BAZ2B: variants seen among roughly 807,000 people sequenced by gnomAD.
BAZ2B encodes the protein bromodomain adjacent to zinc finger domain 2B, also known as bromodomain adjacent to zinc finger domain protein 2B.
BAZ2B carries 91 observed loss-of-function variants against 246.0 expected under a neutral mutation model. The ratio of observed to expected loss-of-function variants is 0.37; its 90% CI spans 0.31 to 0.44. BAZ2B has a LOEUF of 0.44. Ranked by LOEUF, BAZ2B falls within the 20% of genes least tolerant of loss-of-function variation. The pLI is 1.00. For missense variants in BAZ2B, 2,332 were observed against 2,533.7 expected (o/e 0.92, Z 1.71); for synonymous variants, 855 against 860.0 (o/e 0.99, Z 0.10).
At chr2:159,394,344 T>G (rs1043269385) in intron 20 of BAZ2B, among the ~76,000 whole-genome samples, 1 of 152,130 alleles carries the variant, frequency 6.6e-6, no homozygotes, top group Non-Finnish European at 1.5e-5. Context: ...AGAGCAGCCA[T>G]GCCAATTCCT....
chr2:159,607,915 G>T (rs1693866346), intron 1 of BAZ2B, among the ~76,000 whole-genome samples: 1 of 152,166 alleles, frequency 6.6e-6, no homozygotes, highest in Admixed American at 6.5e-5. Context: ...TTCAATAAAA[G>T]CTTAAAGAAT....
chr2:159,572,988 G>A (rs906712166), intron 1 of BAZ2B, among the ~76,000 whole-genome samples: 1 of 151,876 alleles, frequency 6.6e-6, no homozygotes, highest in Non-Finnish European at 1.5e-5. Context: ...ACTACCTGCT[G>A]GAAAATAAAA....
At chr2:159,462,852 T>A (rs1198227633) in intron 3 of BAZ2B, 1 of 1,593,986 alleles carries the variant, frequency 6.3e-7, no homozygotes, top group Non-Finnish European at 8.6e-7. Context: ...GTTGGAATAA[T>A]GGTCTTTCAC....
At chr2:159,653,944 T>C in the BAZ2B span, among the ~76,000 whole-genome samples, 6 of 152,134 alleles carry the variant, frequency 3.9e-5, no homozygotes, top group Non-Finnish European at 7.4e-5. Context: ...TCTTCCACAT[T>C]TAAAAGATTC....
At chr2:159,393,385 T>G (rs72959361) in intron 20 of BAZ2B, among the ~76,000 whole-genome samples, 231 of 152,332 alleles carry the variant, frequency 1.5e-3, no homozygotes, top group Non-Finnish European at 2.9e-3. Flanking sequence ...AGGATTTAAG[T>G]CATTACTTTA....
chr2:159,492,046 T>C (rs2080568588), intron 2 of BAZ2B, among the ~76,000 whole-genome samples: 1 of 152,208 alleles, frequency 6.6e-6, no homozygotes, highest in Non-Finnish European at 1.5e-5. Flanking sequence ...AACAAAATTA[T>C]ACTGAAACTC....
intron 1 of BAZ2B, among the ~76,000 whole-genome samples, chr2:159,565,184 A>C (rs112068095): frequency 9.2e-4 from 140 of 152,216 alleles, no homozygotes; most frequent in African/African-American, 2.9e-3. Flanking sequence ...GACAAATTTC[A>C]CTGGTGTCCG....
At chr2:159,521,648 T>C (rs892500101) in intron 2 of BAZ2B, among the ~76,000 whole-genome samples, 1 of 152,122 alleles carries the variant, frequency 6.6e-6, no homozygotes. Flanking sequence ...TTAGAACTTA[T>C]GGGTGAAGCA....
chr2:159,688,606 GA>G, the BAZ2B span, among the ~76,000 whole-genome samples: 1 of 152,084 alleles, frequency 6.6e-6, no homozygotes, highest in South Asian at 2.1e-4. Flanking sequence ...ACAAAAATAT[GA>G]AAAAAGAGTA....
intron 5 of BAZ2B, 90 bp from the exon 6 acceptor site, chr2:159,447,065 T>C (rs2074357191): frequency 2.3e-6 from 2 of 872,184 alleles, no homozygotes; most frequent in Non-Finnish European, 1.6e-6. Context: ...TTGGATGAAC[T>C]TGAAAATATG....
intron 14 of BAZ2B, among the ~76,000 whole-genome samples, chr2:159,410,804 A>G (rs1354054987): frequency 2.6e-5 from 4 of 152,220 alleles, no homozygotes; most frequent in Non-Finnish European, 5.9e-5. Context: ...AGATTTGTAT[A>G]ATATATGCTT....
intron 2 of BAZ2B, among the ~76,000 whole-genome samples, chr2:159,488,978 T>C (rs549944065): frequency 1.3e-5 from 2 of 152,302 alleles, no homozygotes; most frequent in South Asian, 2.1e-4. Context: ...AAAAGCCACA[T>C]GTATTTTGAG....
At chr2:159,585,969 GGC>G (rs1687928118) in intron 1 of BAZ2B, among the ~76,000 whole-genome samples, 1 of 152,020 alleles carries the variant, frequency 6.6e-6, no homozygotes, top group East Asian at 1.9e-4. Context: ...CCAAATTTTT[GGC>G]AAAAGTCACC....
intron 1 of BAZ2B, chr2:159,615,924 G>T (rs1695979814): frequency 1.3e-5 from 2 of 152,400 alleles, no homozygotes. Flanking sequence ...TAGGAATAAA[G>T]TTTACGTTCT....
intron 3 of BAZ2B, among the ~76,000 whole-genome samples, chr2:159,475,472 T>C (rs1388746408): frequency 4.6e-5 from 7 of 152,328 alleles, no homozygotes; most frequent in Middle Eastern, 3.4e-3. Context: ...TCAAGGTTCT[T>C]AGCTTCATCG....
chr2:159,494,326 T>C (rs1195277495), intron 2 of BAZ2B, among the ~76,000 whole-genome samples: 5 of 152,314 alleles, frequency 3.3e-5, no homozygotes, highest in African/African-American at 1.2e-4. Context: ...CATATATATT[T>C]GGTTTCCCAG....
Position 159,349,869 on chromosome 2 carries a change from A to C in BAZ2B, c.4702T>G (p.Cys1568Gly). 1 of 1,614,206 alleles carries C rather than the reference A, an allele frequency of 6.2e-7. No homozygotes were observed. The highest frequency in any genetic ancestry group is 8.5e-7 in the Non-Finnish European group (1 of 1,180,018). Residue 1568 changes from cysteine (C) to glycine (G), a missense_variant, in exon 28 of 37, where the codon TGT becomes GGT. Around this residue, in one of 9 missense-constraint regions of BAZ2B, gnomAD observed 676 missense variants for 668.6 expected, o/e 1.01. Transcript: ENST00000392783. ...QWFSLLPRTP[C>G]DDTSLTHADM... ...GCATGAGTAAGTGAAGTGTCATCAC[A>C]GGGTGTTCGTGGCAAAAGACTAAAC... is the stretch of plus-strand genomic sequence containing the variant.
At chr2:159,421,202 T>G (rs2068686278) in intron 13 of BAZ2B, among the ~76,000 whole-genome samples, 1 of 150,904 alleles carries the variant, frequency 6.6e-6, no homozygotes. Context: ...AGAGACAGGG[T>G]CTCAATCTGT....
chr2:159,676,647 G>GCACACACACA, the BAZ2B span, among the ~76,000 whole-genome samples: 13,259 of 132,466 alleles, frequency 0.1, 856 homozygotes, highest in African/African-American at 0.14. Flanking sequence ...GTATCTAAAT[G>GCACACACACA]CACACACACA....
Sources: allele counts gnomAD v4.1 joint callset (sites outside exome capture counted in the v4.1 genomes callset), GRCh38; gene constraint gnomAD v4.1.1; regional missense constraint gnomAD v4.1.1; transcripts MANE v1.5; gene names NCBI Gene and HGNC (gene_info 2026-07-23, HGNC 2026-07-21).